The following SLCO4A1 variants were observed in gnomAD, a reference collection of about 807,000 sequenced individuals.
SLCO4A1 encodes the protein colon organic anion transporter.
A neutral mutation model predicts 64.6 loss-of-function variants in SLCO4A1; 51 were observed. That is an observed-to-expected ratio of 0.79 (90% CI 0.63 to 1.00). The LOEUF is 1.00. Among genes scored for constraint, SLCO4A1 ranks in the 50% least tolerant of loss-of-function variants. The pLI, the probability that SLCO4A1 is intolerant of heterozygous loss-of-function variation, is 0.00. For synonymous variants in SLCO4A1, 471 were observed against 444.9 expected (o/e 1.06, Z -0.74); for missense variants, 919 against 980.5 (o/e 0.94, Z 0.84).
At chr20:62,687,415 G>A (rs1988102824), downstream of SLCO4A1, among the ~76,000 whole-genome samples, 2 of 152,276 alleles carry the variant, frequency 1.3e-5, no homozygotes, top group South Asian at 4.1e-4. Flanking sequence ...AGGCCAAGGA[G>A]GCGGAAGAAA....
At chr20:62,676,446 A>G (rs1359059821), downstream of SLCO4A1, among the ~76,000 whole-genome samples, 1 of 152,154 alleles carries the variant, frequency 6.6e-6, no homozygotes, top group Non-Finnish European at 1.5e-5. Flanking sequence ...GAATTCCTAC[A>G]ACCCAACAAT....
Position 62,644,583 on chromosome 20 carries a change from G to A in SLCO4A1, c.-97+2030G>A, listed in dbSNP as rs1980985596. Among the ~76,000 whole-genome samples, 1 of 152,246 alleles carries A rather than the reference G, an allele frequency of 6.6e-6. No homozygotes were observed. Among genetic ancestry groups the A allele is most frequent in the African/African-American group, 2.4e-5 (1 of 41,474 alleles). Reference sequence around the variant, plus strand: ...CTGATGGGCCCCTTGGCTTGACCAAGCCCCATTGCAGTTTTGGCTCCAGGT... The same window carrying A: ...CTGATGGGCCCCTTGGCTTGACCAAACCCCATTGCAGTTTTGGCTCCAGGT... On this transcript the variant is annotated intron_variant, in intron 1 of 11. Coordinates refer to ENST00000217159, the MANE Select transcript of SLCO4A1 (RefSeq NM_016354.4). The surrounding 1 kb of genome is among the most constrained non-coding windows in gnomAD (Gnocchi z 5.4).
chr20:62,686,709 T>C (rs1157208532), downstream of SLCO4A1, among the ~76,000 whole-genome samples: 1 of 152,202 alleles, frequency 6.6e-6, no homozygotes, highest in East Asian at 1.9e-4. Context: ...TCTGAATTAG[T>C]ATATCAGCTA....
At position 62,672,033 on chromosome 20, in the gene SLCO4A1, T is replaced by C. The variant is rs1426545984; in HGVS notation, c.*140T>C. ...TTAACCTGTGGTTTAAAGTCGGCTG[T>C]GACCTCCTGTCCCCAGAGCTGTACG... On this transcript the variant is annotated 3_prime_UTR_variant, in exon 12 of 12. Coordinates refer to ENST00000217159, the MANE Select transcript of SLCO4A1 (RefSeq NM_016354.4). 2 of 1,558,236 alleles carry C rather than the reference T, an allele frequency of 1.3e-6. No homozygotes were observed. The highest frequency in any genetic ancestry group is 1.1e-5 in the South Asian group (1 of 87,142).
chr20:62,651,289 G>A lies in SLCO4A1; in HGVS notation c.-96-5070G>A, dbSNP rs564907871. 3.9e-5 allele frequency: 6 copies of A among 152,340 alleles called. No individual in the cohort carries two copies. The East Asian group carries it at 9.6e-4, about 24-fold the overall frequency. The allele number at this position is 152,340 out of a possible 1,614,324, so 9.4% of individuals were successfully genotyped here. ...GATTTCCAGCTTCAGAAGAGAACCC[G>A]GAGCTGAAACTCTTGGGCATGATGA... On this transcript the variant is annotated intron_variant, in intron 1 of 11. Transcript: ENST00000217159.
At position 62,656,811 on chromosome 20, in the gene SLCO4A1, T is replaced by C. The variant is rs749868087; in HGVS notation, c.357T>C (p.Thr119=). The C allele has an allele frequency of 6.2e-7, 1 of 1,612,882 alleles. No individual in the cohort carries two copies. Among genetic ancestry groups the C allele is most frequent in the Non-Finnish European group, 8.5e-7 (1 of 1,179,900 alleles). The change falls in exon 2 of 12, where the codon ACT becomes ACC. Residue 119 remains threonine, a synonymous_variant. Coordinates refer to ENST00000217159, the MANE Select transcript of SLCO4A1 (RefSeq NM_016354.4). ...LCAAAFLQGM[T]VNGFINTVIT... is the part of the protein sequence containing the mutation. ...CGGCCGCATTCCTGCAGGGGATGAC[T>C]GTGAATGGCTTCATCAACACAGTCA... is the stretch of plus-strand genomic sequence containing the variant.
intron 2 of SLCO4A1, among the ~76,000 whole-genome samples, chr20:62,680,773 TGTTGA>T (rs1987790537): frequency 6.6e-6 from 1 of 152,198 alleles, no homozygotes; most frequent in South Asian, 2.1e-4. Context: ...AATTTGCTGG[TGTTGA>T]GTTAAGGGTT....
At position 62,668,033 on chromosome 20, in the gene SLCO4A1, A is replaced by G. The variant is rs199842788; in HGVS notation, c.1660A>G (p.Ile554Val). The G allele has an allele frequency of 1.4e-5, 22 of 1,614,074 alleles. No homozygotes were observed. In the African/African-American group the frequency reaches 2.1e-4, roughly 16 times the overall value. Residue 554 changes from isoleucine (I) to valine (V), a missense_variant, in exon 9 of 12, where the codon ATC (isoleucine) becomes GTC (valine). Physicochemically the swap from Ile to Val is conservative, Grantham distance 29. Transcript: ENST00000217159. ...CCAGGTGTACCGAGACTGTAGCTGT[A>G]TCCCTCAGAATCTTTCCTCTGGTTT... Reference protein sequence around the residue: ...GQKVYRDCSCIPQNLSSGFGH... With the variant: ...GQKVYRDCSCVPQNLSSGFGH...
chr20:62,662,502 C>G (rs745434958), intron 5 of SLCO4A1, among the ~76,000 whole-genome samples: 2 of 152,206 alleles, frequency 1.3e-5, no homozygotes, highest in Non-Finnish European at 2.9e-5. Flanking sequence ...AGGGTTAGTT[C>G]CCTAAACCAG....
intron 1 of SLCO4A1, chr20:62,650,186 T>C (rs558449682): frequency 1.3e-5 from 2 of 152,422 alleles, no homozygotes; most frequent in African/African-American, 4.8e-5. Flanking sequence ...CGCACCTTTT[T>C]GTCAAAACCA....
At chr20:62,682,808 C>T (rs961834668) in intron 2 of SLCO4A1, among the ~76,000 whole-genome samples, 2 of 152,222 alleles carry the variant, frequency 1.3e-5, no homozygotes, top group African/African-American at 4.8e-5. Context: ...GTGTCCCCAT[C>T]TGTGAATGGG....
rs1981094341 is a variant in SLCO4A1, at chr20:62,645,252, C to G, written c.-97+2699C>G. ...AACTCACATGCTAGGTTAACAGGTT[C>G]TGGGTGACTCTGAGCCTTGGCCCTG... On this transcript the variant is annotated intron_variant, in intron 1 of 11. Coordinates refer to ENST00000217159, the MANE Select transcript of SLCO4A1 (RefSeq NM_016354.4). The surrounding 1 kb of genome is among the most constrained non-coding windows in gnomAD (Gnocchi z 4.2). Among the ~76,000 whole-genome samples, 1 of 152,124 alleles carries G rather than the reference C, an allele frequency of 6.6e-6. No individual in the cohort carries two copies. Among genetic ancestry groups the G allele is most frequent in the South Asian group, 2.1e-4 (1 of 4,820 alleles).
In SLCO4A1 at chr20:62,644,018, T is replaced by C. The variant is rs1055176225; in HGVS notation, c.-97+1465T>C. Reference sequence around the variant, plus strand: ...CTGATCCAGGCTTGGGCTCCTGTTTTACGACTCTGTTCTTAAAGAGGCAAA... The same window carrying C: ...CTGATCCAGGCTTGGGCTCCTGTTTCACGACTCTGTTCTTAAAGAGGCAAA... On this transcript the variant is annotated intron_variant, in intron 1 of 11. Coordinates refer to ENST00000217159, the MANE Select transcript of SLCO4A1 (RefSeq NM_016354.4). This position sits in a 1 kb window ranked among gnomAD's most constrained non-coding sequence, Gnocchi z 5.4. 2.0e-5 allele frequency among the ~76,000 whole-genome samples: 3 copies of C among 152,236 alleles called. No individual in the cohort carries two copies. Among genetic ancestry groups the C allele is most frequent in the Non-Finnish European group, 4.4e-5 (3 of 68,038 alleles).
At chr20:62,678,051 G>T (rs949405756) in intron 2 of SLCO4A1, among the ~76,000 whole-genome samples, 1 of 152,204 alleles carries the variant, frequency 6.6e-6, no homozygotes, top group Non-Finnish European at 1.5e-5. Context: ...AGAAAGTGAG[G>T]CAAAGGTTGA....
At chr20:62,647,393 C>T (rs1981545560) in intron 1 of SLCO4A1, among the ~76,000 whole-genome samples, 3 of 152,180 alleles carry the variant, frequency 2.0e-5, no homozygotes, top group African/African-American at 7.2e-5. Context: ...TCGGCTTTGC[C>T]AGGCAGTGCC....
At chr20:62,649,771 A>C (rs1027189349) in intron 1 of SLCO4A1, 1 of 152,404 alleles carries the variant, frequency 6.6e-6, no homozygotes, top group Non-Finnish European at 1.5e-5. Flanking sequence ...ACTGCCTTTC[A>C]GCCTCACCCC....
chr20:62,648,176 C>T (rs374938449), intron 1 of SLCO4A1, among the ~76,000 whole-genome samples: 118 of 152,374 alleles, frequency 7.7e-4, no homozygotes, highest in African/African-American at 2.7e-3. Context: ...TCCTCCCCTG[C>T]GGGGTTGTTG....
In SLCO4A1 at chr20:62,645,022, A is replaced by G. The variant is rs932003733; in HGVS notation, c.-97+2469A>G. 1.3e-5 allele frequency among the ~76,000 whole-genome samples: 2 copies of G among 152,256 alleles called. No individual in the cohort carries two copies. The highest frequency in any genetic ancestry group is 1.3e-4 in the Admixed American group (2 of 15,284). ...ATGACTGCCTCATTTGCAAGTGGCA[A>G]GGTGCACACTGTTGGCTTTTGGACA... is the stretch of plus-strand genomic sequence containing the variant. On this transcript the variant is annotated intron_variant, in intron 1 of 11. Transcript: ENST00000217159. This position sits in a 1 kb window ranked among gnomAD's most constrained non-coding sequence, Gnocchi z 4.2.
downstream of SLCO4A1, among the ~76,000 whole-genome samples, chr20:62,675,109 G>C (rs1987526940): frequency 1.3e-5 from 2 of 152,142 alleles, no homozygotes; most frequent in African/African-American, 4.8e-5. Flanking sequence ...AGAGGACAGA[G>C]AGAGGGAAGG....
Sources: gnomAD v4.1 joint callset for allele counts (sites outside exome capture counted in the v4.1 genomes callset) on GRCh38, gnomAD v4.1.1 for gene constraint, Gnocchi (gnomAD v3.1) non-coding constraint, MANE v1.5 for transcripts, NCBI Gene and HGNC (gene_info 2026-07-23, HGNC 2026-07-21) for gene names.